SWAP70: variants seen among roughly 807,000 people sequenced by gnomAD.
The protein encoded by SWAP70 is switching B cell complex subunit SWAP70.
A neutral mutation model predicts 80.2 loss-of-function variants in SWAP70; 34 were observed. The ratio of observed to expected loss-of-function variants is 0.42; its 90% CI spans 0.32 to 0.56. The LOEUF is 0.56. Ranked by LOEUF, SWAP70 falls within the 20% of genes least tolerant of loss-of-function variation. SWAP70 has a pLI of 0.09. For missense variants in SWAP70, 578 were observed against 690.7 expected (o/e 0.84, Z 1.83); for synonymous variants, 239 against 238.5 (o/e 1.00, Z -0.02).
In SWAP70 at chr11:9,729,424, A is replaced by G; in HGVS notation, c.871A>G (p.Lys291Glu). 6.2e-7 allele frequency: 1 copy of G among 1,612,240 alleles called. No homozygotes were observed. Among genetic ancestry groups the G allele is most frequent in the Non-Finnish European group, 8.5e-7 (1 of 1,178,594 alleles). Residue 291 changes from lysine (K) to glutamate (E), a missense_variant, in exon 6 of 12, where the codon AAG (lysine) becomes GAG (glutamate). By Grantham distance (56) the Lys-to-Glu change is moderately conservative. Transcript: ENST00000318950. ...GACTTTTGAAATCAGTGCTTCAGAT[A>G]AGAAGAAGAAACAGGAGTGGATTCA... ...DKTFEISASD[K>E]KKKQEWIQAI...
chr11:9,708,594 T>A (rs10840291), intron 2 of SWAP70, among the ~76,000 whole-genome samples: 1 of 152,010 alleles, frequency 6.6e-6, no homozygotes, highest in Admixed American at 6.5e-5. Flanking sequence ...TGAAGCCCTT[T>A]GTGATTTGGT....
chr11:9,694,303 T>G lies in SWAP70; in HGVS notation c.240+17T>G. ...TTGGAAAAGGTATGATTCTAACCTT[T>G]TTTTGGGTGTAGCATTGTTTGGTTT... On this transcript the variant is annotated intron_variant, in intron 2 of 11. Coordinates refer to ENST00000318950, the MANE Select transcript of SWAP70 (RefSeq NM_015055.4). 1 of 1,602,662 alleles carries G rather than the reference T, an allele frequency of 6.2e-7. No individual in the cohort carries two copies. Among genetic ancestry groups the G allele is most frequent in the Non-Finnish European group, 8.5e-7 (1 of 1,174,586 alleles).
At chr11:9,671,430 A>G (rs1273176334) in intron 1 of SWAP70, among the ~76,000 whole-genome samples, 7 of 101,970 alleles carry the variant, frequency 6.9e-5, no homozygotes, top group Admixed American at 4.3e-4. Context: ...AAATATATAT[A>G]TAAATATATA....
intron 1 of SWAP70, among the ~76,000 whole-genome samples, chr11:9,678,177 T>G (rs957941576): frequency 6.6e-6 from 1 of 152,188 alleles, no homozygotes; most frequent in Non-Finnish European, 1.5e-5. Flanking sequence ...ACCTCTATGG[T>G]AAAAGGTTCT....
At position 9,749,095 on chromosome 11, in the gene SWAP70, AAAG is replaced by A; in HGVS notation, c.1567_1569del (p.Lys523del). ...ATCCACTTTTGTTTCAGGAAGTTAA[AAAG>A]AAGCTGGAGATGGCAACTAATAAGA... On this transcript the variant is annotated inframe_deletion, in exon 11 of 12. Transcript: ENST00000318950. The A allele has an allele frequency of 6.2e-7, 1 of 1,611,960 alleles. No individual in the cohort carries two copies. The highest frequency in any genetic ancestry group is 8.5e-7 in the Non-Finnish European group (1 of 1,178,882).
At chr11:9,730,330 A>T (rs1464834815) in intron 6 of SWAP70, among the ~76,000 whole-genome samples, 4 of 30,946 alleles carry the variant, frequency 1.3e-4, no homozygotes, top group East Asian at 1.1e-3. Context: ...CTCTACTTAA[A>T]AAAAAAAAAA....
chr11:9,724,114 TATG>T (rs1423837911), intron 3 of SWAP70, among the ~76,000 whole-genome samples: 1 of 152,238 alleles, frequency 6.6e-6, no homozygotes, highest in Admixed American at 6.5e-5. Context: ...CTACACAAAG[TATG>T]ATGTTTTAGG....
At chr11:9,694,379 G>A in intron 2 of SWAP70, 93 bp downstream of exon 2, 2 of 1,346,294 alleles carry the variant, frequency 1.5e-6, no homozygotes, top group Non-Finnish European at 2.0e-6. Flanking sequence ...TCACTAAGGA[G>A]TTGAGGTACA....
intron 3 of SWAP70, among the ~76,000 whole-genome samples, chr11:9,718,057 C>T (rs1234944508): frequency 1.3e-5 from 2 of 152,200 alleles, no homozygotes; most frequent in Non-Finnish European, 2.9e-5. Flanking sequence ...TTTCTGTAGG[C>T]CAGAGCCCAG....
At chr11:9,729,865 T>G (rs1479550463) in intron 6 of SWAP70, among the ~76,000 whole-genome samples, 1 of 152,236 alleles carries the variant, frequency 6.6e-6, no homozygotes, top group Non-Finnish European at 1.5e-5. Flanking sequence ...AGTTATTTTC[T>G]GCATGTGATA....
At chr11:9,704,919 G>C (rs887353867) in intron 2 of SWAP70, among the ~76,000 whole-genome samples, 2 of 152,200 alleles carry the variant, frequency 1.3e-5, no homozygotes, top group Non-Finnish European at 2.9e-5. Context: ...CTGCAGTTCA[G>C]CTCAAAGACA....
At chr11:9,702,391 C>T (rs1032411789) in intron 2 of SWAP70, among the ~76,000 whole-genome samples, 2 of 148,146 alleles carry the variant, frequency 1.4e-5, no homozygotes, top group South Asian at 2.1e-4. Flanking sequence ...TTGAAAGTTA[C>T]ATAGTGTGGG....
intron 1 of SWAP70, among the ~76,000 whole-genome samples, chr11:9,666,983 A>G (rs1419816631): frequency 6.6e-6 from 1 of 152,078 alleles, no homozygotes; most frequent in African/African-American, 2.4e-5. Context: ...TTGGCCCTGC[A>G]AAGTGCTGGG....
chr11:9,729,542 G>A (rs12360647), intron 6 of SWAP70, 91 bp downstream of exon 6: 527,291 of 936,464 alleles, frequency 0.56, 151,166 homozygotes, highest in Middle Eastern at 0.67. Context: ...TCTGTTGCCC[G>A]GGCTGTAGTG....
Position 9,738,831 on chromosome 11 carries a change from A to T in SWAP70, c.1188+511A>T, listed in dbSNP as rs989693728. ...AGCTGTGATTTTGCCACTGCACTCC[A>T]GCCTGGGTGACAGAGCAAGGCCCTG... On this transcript the variant is annotated intron_variant, in intron 8 of 11. Coordinates refer to ENST00000318950, the MANE Select transcript of SWAP70 (RefSeq NM_015055.4). 3.3e-5 allele frequency among the ~76,000 whole-genome samples: 5 copies of T among 152,098 alleles called. No individual in the cohort carries two copies. In the South Asian group the frequency reaches 8.3e-4, roughly 25 times the overall value.
chr11:9,747,758 C>A, intron 9 of SWAP70, 100 bp from the exon 10 acceptor site: 2 of 1,127,242 alleles, frequency 1.8e-6, no homozygotes, highest in East Asian at 2.4e-5. Flanking sequence ...GGGGATTAGA[C>A]GACCTCAAAT....
At chr11:9,691,208 A>G (rs1196685984) in intron 1 of SWAP70, among the ~76,000 whole-genome samples, 1 of 152,216 alleles carries the variant, frequency 6.6e-6, no homozygotes, top group Non-Finnish European at 1.5e-5. Flanking sequence ...ATAAGCCACC[A>G]TGCCCAGCCT....
rs1851154941 is a variant in SWAP70, at chr11:9,722,671, G to A, written c.415-1987G>A. Among the ~76,000 whole-genome samples the A allele has an allele frequency of 2.6e-5, 4 of 152,222 alleles. No individual in the cohort carries two copies. In the South Asian group the frequency reaches 8.3e-4, roughly 32 times the overall value. ...TACCAATTAACTGGGTCGAGAGGTGGGAAAAGGTATTCTAGACAGAGAAGA... is the reference window on the plus strand; with the variant it reads ...TACCAATTAACTGGGTCGAGAGGTGAGAAAAGGTATTCTAGACAGAGAAGA... On this transcript the variant is annotated intron_variant, in intron 3 of 11. Coordinates refer to ENST00000318950, the MANE Select transcript of SWAP70 (RefSeq NM_015055.4).
In SWAP70 at chr11:9,694,154, C is replaced by T. The variant is rs758450290; in HGVS notation, c.108C>T (p.Ser36=). Reference sequence around the variant, plus strand: ...TTTCTTTTCCCTTGCAGGTCCTTTCCCATAACCTGTGCACGGTGCTGAAGG... The same window carrying T: ...TTTCTTTTCCCTTGCAGGTCCTTTCTCATAACCTGTGCACGGTGCTGAAGG... ...KVSKSQLKVL[S]HNLCTVLKVP... Residue 36 remains serine (S), a synonymous_variant, in exon 2 of 12, where the codon TCC becomes TCT. Coordinates refer to ENST00000318950, the MANE Select transcript of SWAP70 (RefSeq NM_015055.4). The T allele has an allele frequency of 1.9e-6, 3 of 1,601,094 alleles. No individual in the cohort carries two copies. The highest frequency in any genetic ancestry group is 1.7e-6 in the Non-Finnish European group (2 of 1,174,794).
Sources: gnomAD v4.1 joint callset for allele counts (sites outside exome capture counted in the v4.1 genomes callset) on GRCh38, gnomAD v4.1.1 for gene constraint, MANE v1.5 for transcripts, NCBI Gene and HGNC (gene_info 2026-07-23, HGNC 2026-07-21) for gene names.